The following GSR variants were observed in gnomAD, a reference collection of about 807,000 sequenced individuals.
The protein encoded by GSR is glutathione reductase, mitochondrial.
A neutral mutation model predicts 56.5 loss-of-function variants in GSR; 48 were observed. That is an observed-to-expected ratio of 0.85 (90% CI 0.67 to 1.08). The LOEUF (loss-of-function observed/expected upper bound fraction) is 1.08. GSR is among the 50% of genes least tolerant of loss of function. GSR has a pLI of 0.00. For synonymous variants in GSR, 264 were observed against 270.8 expected, an observed-to-expected ratio of 0.97 and a Z score of 0.25; for missense variants, 694 against 703.3, an observed-to-expected ratio of 0.99 and a Z score of 0.15.
intron 8 of GSR, among the ~76,000 whole-genome samples, chr8:30,691,747 A>T (rs182694928): frequency 4.5e-4 from 69 of 152,190 alleles, no homozygotes; most frequent in Non-Finnish European, 7.5e-4. Context: ...ATCTAAAAAT[A>T]TTAAGGATGT....
intron 4 of GSR, among the ~76,000 whole-genome samples, chr8:30,706,508 T>TAAACAAAC (rs200701480): frequency 3.3e-5 from 5 of 149,458 alleles, no homozygotes; most frequent in East Asian, 3.9e-4. Flanking sequence ...GTTTCACAAA[T>TAAACAAAC]AAACAAACAA....
chr8:30,724,819 G>A (rs1563548287), intron 1 of GSR, among the ~76,000 whole-genome samples: 1 of 152,032 alleles, frequency 6.6e-6, no homozygotes, highest in Non-Finnish European at 1.5e-5. Flanking sequence ...GAGCCATCAC[G>A]CCCAGCCTAG....
intron 1 of GSR, among the ~76,000 whole-genome samples, chr8:30,719,134 G>T (rs1322803149): frequency 7.8e-6 from 1 of 128,766 alleles, no homozygotes; most frequent in Non-Finnish European, 1.6e-5. Context: ...TTGAGACGAG[G>T]TCTCACTCTG....
chr8:30,714,926 T>C (rs1434604673), intron 1 of GSR, among the ~76,000 whole-genome samples: 1 of 152,168 alleles, frequency 6.6e-6, no homozygotes, highest in Non-Finnish European at 1.5e-5. Context: ...CCACTATTCC[T>C]GCCAGCACTG....
intron 1 of GSR, among the ~76,000 whole-genome samples, chr8:30,716,915 C>T (rs921651352): frequency 6.6e-6 from 1 of 152,050 alleles, no homozygotes; most frequent in Non-Finnish European, 1.5e-5. Flanking sequence ...TCTTTCCCCC[C>T]AAATTTTTTT....
intron 7 of GSR, among the ~76,000 whole-genome samples, chr8:30,693,535 T>G (rs1193288782): frequency 6.7e-6 from 1 of 149,632 alleles, no homozygotes; most frequent in African/African-American, 2.5e-5. Flanking sequence ...GTTCTTTTAT[T>G]TTTATTTTTT....
intron 5 of GSR, among the ~76,000 whole-genome samples, chr8:30,701,976 T>C (rs1421457684): frequency 6.6e-6 from 1 of 150,416 alleles, no homozygotes; most frequent in Non-Finnish European, 1.5e-5. Flanking sequence ...GTCAAGGCCT[T>C]AGTGAGCTGT....
At chr8:30,681,142 G>A in intron 11 of GSR, 105 bp from the exon 12 acceptor site, 2 of 943,324 alleles carry the variant, frequency 2.1e-6, no homozygotes, top group Non-Finnish European at 3.4e-6. Context: ...CAAACCACGA[G>A]GAAATATCAA....
At chr8:30,698,497 G>A (rs916736462) in intron 6 of GSR, among the ~76,000 whole-genome samples, 4 of 152,196 alleles carry the variant, frequency 2.6e-5, no homozygotes, top group Non-Finnish European at 4.4e-5. Context: ...TCTGCGACCT[G>A]ATAGCAAACC....
intron 4 of GSR, chr8:30,704,720 ATTGAG>A (rs1448313311): frequency 2.6e-5 from 4 of 152,172 alleles, no homozygotes; most frequent in African/African-American, 9.7e-5. Context: ...TTGATTCTGA[ATTGAG>A]TTATCTTCTT....
intron 12 of GSR, 140 bp from the exon 13 acceptor site, chr8:30,679,809 G>C: frequency 1.4e-6 from 1 of 735,054 alleles, no homozygotes; most frequent in South Asian, 1.5e-5. Flanking sequence ...GGGTTCAAGT[G>C]ATTCTCCTGC....
intron 1 of GSR, among the ~76,000 whole-genome samples, chr8:30,718,204 A>T (rs1804403625): frequency 6.6e-6 from 1 of 152,160 alleles, no homozygotes; most frequent in Admixed American, 6.6e-5. Context: ...CCGTGGAAAA[A>T]TTGTCTTCCA....
At position 30,712,132 on chromosome 8, in the gene GSR, AAACC is replaced by A; in HGVS notation, c.307-48_307-45del. ...GACACACTTTAAGAATATTGAATTC[AAACC>A]ATCAAACGAAATCTGCAAGAAATGC... On this transcript the variant is annotated intron_variant, in intron 1 of 12. Coordinates refer to ENST00000221130, the MANE Select transcript of GSR (RefSeq NM_000637.5). The A allele has an allele frequency of 9.2e-6, 10 of 1,089,542 alleles. No individual in the cohort carries two copies. In the Admixed American group the frequency reaches 1.5e-4, roughly 17 times the overall value. 67.5% of individuals were successfully genotyped at this position (1,089,542 alleles called of 1,614,324 possible).
chr8:30,720,469 G>A (rs1315964197), intron 1 of GSR, among the ~76,000 whole-genome samples: 1 of 152,116 alleles, frequency 6.6e-6, no homozygotes, highest in Non-Finnish European at 1.5e-5. Context: ...GGACTATACT[G>A]ATGACTTAAA....
chr8:30,695,242 G>A (rs1357331853), intron 7 of GSR, among the ~76,000 whole-genome samples: 1 of 151,996 alleles, frequency 6.6e-6, no homozygotes, highest in Non-Finnish European at 1.5e-5. Context: ...GTTTTGTTTT[G>A]TTTTTTGTTT....
chr8:30,684,091 G>C lies in GSR; in HGVS notation c.1150C>G (p.Pro384Ala). 1 of 1,500,288 alleles carries C rather than the reference G, an allele frequency of 6.7e-7. No individual in the cohort carries two copies. Among genetic ancestry groups the C allele is most frequent in the South Asian group, 1.1e-5 (1 of 88,822 alleles). The allele number at this position is 1,500,288 out of a possible 1,614,324, so 92.9% of individuals were successfully genotyped here. Reference sequence around the variant, plus strand: ...CCAAGAAGGGAAGAGACCTTACCTGGAGTAAGAAGAGCTTTTCCACATACA... The same window carrying C: ...CCAAGAAGGGAAGAGACCTTACCTGCAGTAAGAAGAGCTTTTCCACATACA... ...GDVCGKALLT[P>A]VAIAAGRKLA... Residue 384 changes from proline to alanine, a missense_variant, in exon 10 of 13, where the codon CCA becomes GCA. Transcript: ENST00000221130.
chr8:30,703,386 G>T, intron 4 of GSR, 146 bp from the exon 5 acceptor site: 1 of 824,820 alleles, frequency 1.2e-6, no homozygotes. Flanking sequence ...TCAAGTTTCT[G>T]TAGAACTTCT....
chr8:30,698,845 C>T (rs143959951), intron 6 of GSR, among the ~76,000 whole-genome samples: 6 of 142,140 alleles, frequency 4.2e-5, no homozygotes, highest in African/African-American at 1.6e-4. Context: ...CCAGTCCCTG[C>T]GCCAACACAT....
At chr8:30,681,562 G>T (rs759377883) in intron 11 of GSR, among the ~76,000 whole-genome samples, 23 of 152,114 alleles carry the variant, frequency 1.5e-4, no homozygotes, top group Non-Finnish European at 2.8e-4. Context: ...CTCGGTTTAT[G>T]TAAGGGCCAG....
Sources: allele counts gnomAD v4.1 joint callset (sites outside exome capture counted in the v4.1 genomes callset), GRCh38; gene constraint gnomAD v4.1.1; transcripts MANE v1.5; gene names NCBI Gene and HGNC (gene_info 2026-07-23, HGNC 2026-07-21).